Variants in CPSF2 observed in about 807,000 individuals in gnomAD.
CPSF2 encodes the protein cleavage and polyadenylation specificity factor subunit 2.
A neutral mutation model predicts 84.2 loss-of-function variants in CPSF2; 51 were observed. The observed-to-expected ratio is 0.61, with a 90% CI of 0.48 to 0.77. The LOEUF (loss-of-function observed/expected upper bound fraction) is 0.77. Ranked by LOEUF, CPSF2 falls within the 30% of genes least tolerant of loss-of-function variation. The pLI is 0.00. For synonymous variants in CPSF2, 286 were observed against 311.9 expected, an observed-to-expected ratio of 0.92 and a Z score of 0.87; for missense variants, 641 against 929.4, an observed-to-expected ratio of 0.69 and a Z score of 4.03.
At chr14:92,161,324 T>A (rs2025071) in intron 15 of CPSF2, 78 bp downstream of exon 15, 647,899 of 1,476,572 alleles carry the variant, frequency 0.44, 154,328 homozygotes, top group East Asian at 0.99. Context: ...GTAATTCTTG[T>A]TTGGTATTTT....
In CPSF2 at chr14:92,157,601, G is replaced by A; in HGVS notation, c.1596-58G>A. 1.6e-6 allele frequency: 2 copies of A among 1,278,672 alleles called. No homozygotes were observed. The highest frequency in any genetic ancestry group is 2.1e-5 in the Admixed American group (1 of 48,752). 79.2% of individuals were successfully genotyped at this position (1,278,672 alleles called of 1,614,324 possible). A position where few individuals can be genotyped will look rare whatever the true frequency, so the allele number is the denominator to read the frequency against. ...GTTATATATTGTATACATGATAAAA[G>A]CCATTTTTTTTTAGAATTATGAGAA... On this transcript the variant is annotated intron_variant, in intron 12 of 15. Coordinates refer to ENST00000298875, the MANE Select transcript of CPSF2 (RefSeq NM_017437.3). This position sits in a 1 kb window ranked among gnomAD's most constrained non-coding sequence, Gnocchi z 4.0.
At chr14:92,150,570 GGT>G (rs1412039220) in intron 9 of CPSF2, among the ~76,000 whole-genome samples, 1 of 152,046 alleles carries the variant, frequency 6.6e-6, no homozygotes, top group Non-Finnish European at 1.5e-5. Flanking sequence ...TAGGACTACG[GGT>G]GTGTTTCACC....
chr14:92,131,220 C>T (rs887913035), intron 3 of CPSF2, 87 bp downstream of exon 3: 48 of 1,016,988 alleles, frequency 4.7e-5, no homozygotes, highest in Middle Eastern at 2.4e-4. Flanking sequence ...ATAAATACTG[C>T]CTTTTTACAC....
At chr14:92,127,395 A>G (rs1269295414) in intron 2 of CPSF2, among the ~76,000 whole-genome samples, 2 of 152,214 alleles carry the variant, frequency 1.3e-5, no homozygotes, top group Non-Finnish European at 2.9e-5. Flanking sequence ...AAATATAATG[A>G]GTTGTTATGA....
chr14:92,157,541 A>G lies in CPSF2; in HGVS notation c.1596-118A>G. On this transcript the variant is annotated intron_variant, in intron 12 of 15. Transcript: ENST00000298875. The surrounding 1 kb of genome is among the most constrained non-coding windows in gnomAD (Gnocchi z 4.0). Reference sequence around the variant, plus strand: ...AAAACAAAAATAAAATAAATCATACAGATACTATAACATGTGTATTTCTCA... The same window carrying G: ...AAAACAAAAATAAAATAAATCATACGGATACTATAACATGTGTATTTCTCA... 1.5e-6 allele frequency: 1 copy of G among 663,210 alleles called. No homozygotes were observed. 41.1% of individuals were successfully genotyped at this position (663,210 alleles called of 1,614,324 possible).
chr14:92,130,284 G>A (rs1263586309), intron 2 of CPSF2, among the ~76,000 whole-genome samples: 1 of 152,012 alleles, frequency 6.6e-6, no homozygotes, highest in Non-Finnish European at 1.5e-5. Context: ...TGAGTGTGTT[G>A]AGAGTTGGTG....
chr14:92,145,320 A>G (rs1487833675), intron 9 of CPSF2, among the ~76,000 whole-genome samples: 1 of 151,884 alleles, frequency 6.6e-6, no homozygotes, highest in East Asian at 1.9e-4. Context: ...TGTACCCTCA[A>G]ACTCTTAGGC....
At chr14:92,136,124 C>A (rs989289847) in intron 6 of CPSF2, among the ~76,000 whole-genome samples, 1 of 152,206 alleles carries the variant, frequency 6.6e-6, no homozygotes, top group African/African-American at 2.4e-5. Context: ...TTACACACTT[C>A]ATGTGGCACT....
In CPSF2 at chr14:92,166,176, TA is replaced by T; in HGVS notation, c.*4436del. The T allele has an allele frequency of 6.6e-6, 1 of 152,214 alleles. No individual in the cohort carries two copies. The highest frequency in any genetic ancestry group is 2.4e-5 in the African/African-American group (1 of 41,528). The allele number at this position is 152,214 out of a possible 1,614,324, so 9.4% of individuals were successfully genotyped here. ...CTTGCCTGGCCTTGGTTTTATATCT[TA>T]AAAGCTATTCCTTCATTCAAAGTCA... is the stretch of plus-strand genomic sequence containing the variant. On this transcript the variant is annotated 3_prime_UTR_variant, in exon 16 of 16. Coordinates refer to ENST00000298875, the MANE Select transcript of CPSF2 (RefSeq NM_017437.3).
chr14:92,137,974 GA>G (rs1248756776), intron 6 of CPSF2, among the ~76,000 whole-genome samples: 4 of 152,136 alleles, frequency 2.6e-5, no homozygotes, highest in African/African-American at 9.7e-5. Flanking sequence ...TATGTGCATA[GA>G]AAAACTTATA....
At chr14:92,152,003 C>G (rs1486753301) in intron 9 of CPSF2, among the ~76,000 whole-genome samples, 2 of 63,502 alleles carry the variant, frequency 3.1e-5, no homozygotes, top group East Asian at 1.1e-3. Flanking sequence ...GGAGCAAGAC[C>G]CTGTCTCAAA....
chr14:92,150,490 C>T (rs2069201037), intron 9 of CPSF2, among the ~76,000 whole-genome samples: 1 of 151,368 alleles, frequency 6.6e-6, no homozygotes, highest in African/African-American at 2.4e-5. Flanking sequence ...TGCAGAGGCA[C>T]AATCATGGCT....
rs942355264 is a variant in CPSF2 at position 92,164,152 on chromosome 14, C to G, written c.*2408C>G. ...TGATTGTAAGTTTCATGAGGCCTCCCCAGCCTGTGGGACTGTGAGTCAATT... is the reference window on the plus strand; with the variant it reads ...TGATTGTAAGTTTCATGAGGCCTCCGCAGCCTGTGGGACTGTGAGTCAATT... On this transcript the variant is annotated 3_prime_UTR_variant, in exon 16 of 16. Transcript: ENST00000298875. The G allele has an allele frequency of 2.6e-5, 4 of 152,850 alleles. No individual in the cohort carries two copies. The highest frequency in any genetic ancestry group is 4.8e-5 in the African/African-American group (2 of 41,462). The allele number at this position is 152,850 out of a possible 1,614,324, so 9.5% of individuals were successfully genotyped here. A position where few individuals can be genotyped will look rare whatever the true frequency, so the allele number is the denominator to read the frequency against.
At chr14:92,125,880 T>TA (rs1442713772) in intron 1 of CPSF2, among the ~76,000 whole-genome samples, 8 of 152,172 alleles carry the variant, frequency 5.3e-5, no homozygotes, top group Admixed American at 3.3e-4. Context: ...TGATTCTCAA[T>TA]AACATAAGGT....
intron 9 of CPSF2, among the ~76,000 whole-genome samples, chr14:92,146,306 G>T (rs1444419754): frequency 6.6e-6 from 1 of 152,174 alleles, no homozygotes; most frequent in African/African-American, 2.4e-5. Context: ...CGGATCACGA[G>T]GTCAGGAGTT....
chr14:92,133,361 G>A (rs11848359), intron 3 of CPSF2, among the ~76,000 whole-genome samples: 1,831 of 151,222 alleles, frequency 0.012, 40 homozygotes, highest in African/African-American at 0.042. Context: ...AGAGGTTGTG[G>A]TGAGCCGGAG....
Position 92,132,529 on chromosome 14 carries a change from T to TG in CPSF2, c.149+1399dup, listed in dbSNP as rs2141454781. Among the ~76,000 whole-genome samples the TG allele has an allele frequency of 2.0e-5, 3 of 150,722 alleles. No homozygotes were observed. The South Asian group carries it at 6.5e-4, about 33-fold the overall frequency. On this transcript the variant is annotated intron_variant, in intron 3 of 15. Coordinates refer to ENST00000298875, the MANE Select transcript of CPSF2 (RefSeq NM_017437.3). ...GCTAATGCCGGTAATCCCAGCACTTTGGGAGGCCGAGGCGGGCAGATCACT... is the reference window on the plus strand; with the variant it reads ...GCTAATGCCGGTAATCCCAGCACTTTGGGGAGGCCGAGGCGGGCAGATCACT...
intron 5 of CPSF2, among the ~76,000 whole-genome samples, chr14:92,134,578 A>C (rs2068975013): frequency 6.6e-6 from 1 of 152,232 alleles, no homozygotes; most frequent in African/African-American, 2.4e-5. Context: ...TTCATATTTA[A>C]CTTGGGAAAA....
intron 9 of CPSF2, among the ~76,000 whole-genome samples, chr14:92,153,866 CTTTTTTTTTT>C (rs767628179): frequency 3.3e-5 from 4 of 121,650 alleles, no homozygotes; most frequent in Non-Finnish European, 6.9e-5. Context: ...CCACTCCTGG[CTTTTTTTTTT>C]TTTTTTTTTT....
Sources: allele counts gnomAD v4.1 joint callset (sites outside exome capture counted in the v4.1 genomes callset), GRCh38; gene constraint gnomAD v4.1.1; non-coding constraint Gnocchi (gnomAD v3.1); transcripts MANE v1.5; gene names NCBI Gene and HGNC (gene_info 2026-07-23, HGNC 2026-07-21).